Variants in LRRK1 observed in about 807,000 individuals in gnomAD.
The protein encoded by LRRK1 is leucine rich repeat kinase 1.
In LRRK1, 113 loss-of-function variants were observed where a neutral mutation model predicts 209.1. That is an observed-to-expected ratio of 0.54 (90% CI 0.46 to 0.63). LRRK1 has a LOEUF of 0.63. Among genes scored for constraint, LRRK1 ranks in the 30% least tolerant of loss-of-function variants. The pLI, the probability that LRRK1 is intolerant of heterozygous loss-of-function variation, is 0.00. For missense variants in LRRK1, 2,284 were observed against 2,632.2 expected (o/e 0.87, Z 2.89); for synonymous variants, 1,144 against 1,099.7 (o/e 1.04, Z -0.80).
rs143507155 is a variant in LRRK1, at chr15:100,982,161, C to G, written c.262-1367C>G. 7.3e-3 allele frequency among the ~76,000 whole-genome samples: 1,102 copies of G among 150,188 alleles called. 19 individuals carry two copies. Among genetic ancestry groups the G allele is most frequent in the Middle Eastern group, 0.028 (8 of 290 alleles). ...ACTCGCCATCCCTGTCATCCTGAGT[C>G]CCCAGTCCCACTCTCACACACAGTA... On this transcript the variant is annotated intron_variant, in intron 3 of 33. Coordinates refer to ENST00000388948, the MANE Select transcript of LRRK1 (RefSeq NM_024652.6).
chr15:101,019,230 G>A (rs1462959062), intron 12 of LRRK1, among the ~76,000 whole-genome samples: 1 of 152,132 alleles, frequency 6.6e-6, no homozygotes, highest in African/African-American at 2.4e-5. Flanking sequence ...CATAAACACC[G>A]TAGCGAAACT....
intron 29 of LRRK1, among the ~76,000 whole-genome samples, chr15:101,059,176 G>A (rs923579127): frequency 6.6e-6 from 1 of 152,080 alleles, no homozygotes; most frequent in Admixed American, 6.6e-5. Flanking sequence ...GATCTTTTGA[G>A]TTCAGGAGTT....
At chr15:100,980,496 G>T (rs777442893) in intron 3 of LRRK1, among the ~76,000 whole-genome samples, 2 of 152,106 alleles carry the variant, frequency 1.3e-5, no homozygotes, top group Non-Finnish European at 2.9e-5. Context: ...GAACAGGTTC[G>T]TATCTTGATT....
chr15:101,009,451 G>A (rs779914911), intron 7 of LRRK1, among the ~76,000 whole-genome samples: 3 of 152,200 alleles, frequency 2.0e-5, no homozygotes, highest in Non-Finnish European at 4.4e-5. Flanking sequence ...GGTTAACTCT[G>A]CAGGACTCTG....
rs143717404 is a variant in LRRK1 at position 100,926,006 on chromosome 15, C to T, written c.97+1277C>T. Among the ~76,000 whole-genome samples the T allele has an allele frequency of 3.9e-5, 6 of 152,328 alleles. No individual in the cohort carries two copies. The East Asian group carries it at 7.7e-4, about 20-fold the overall frequency. Reference sequence around the variant, plus strand: ...CGGCCACTGTACCTGGCTTGGCAGACACTTTGTTCAGTTGTTTGAGTGTTT... The same window carrying T: ...CGGCCACTGTACCTGGCTTGGCAGATACTTTGTTCAGTTGTTTGAGTGTTT... On this transcript the variant is annotated intron_variant, in intron 2 of 33. Coordinates refer to ENST00000388948, the MANE Select transcript of LRRK1 (RefSeq NM_024652.6).
At chr15:100,939,228 G>A (rs900623313) in intron 2 of LRRK1, among the ~76,000 whole-genome samples, 5 of 152,216 alleles carry the variant, frequency 3.3e-5, no homozygotes, top group Non-Finnish European at 7.3e-5. Context: ...ACATGGGACA[G>A]TACAGTTCCT....
intron 20 of LRRK1, among the ~76,000 whole-genome samples, chr15:101,041,104 G>A (rs916771642): frequency 6.6e-6 from 1 of 152,202 alleles, no homozygotes; most frequent in Non-Finnish European, 1.5e-5. Flanking sequence ...TTGGTGTCAT[G>A]CCTGTGTAAT....
chr15:101,020,493 G>GC lies in LRRK1; in HGVS notation c.1610-553dup, dbSNP rs370920632. On this transcript the variant is annotated intron_variant, in intron 12 of 33. Transcript: ENST00000388948. ...AGGTTCAAGTAATTCTCCTGCCTCA[G>GC]CCCCCCCGAGTAGCTGGGATTACAG... is the stretch of plus-strand genomic sequence containing the variant. Among the ~76,000 whole-genome samples, 1,081 of 148,706 alleles carry GC rather than the reference G, an allele frequency of 7.3e-3. 4 individuals are homozygous for GC. Among genetic ancestry groups the GC allele is most frequent in the African/African-American group, 0.017 (698 of 40,102 alleles).
At chr15:100,965,735 T>G (rs2030408917) in intron 2 of LRRK1, among the ~76,000 whole-genome samples, 1 of 152,222 alleles carries the variant, frequency 6.6e-6, no homozygotes, top group Admixed American at 6.5e-5. Context: ...TCATTTATCC[T>G]TCTCCTCCTT....
chr15:101,067,145 G>A (rs2141166344), intron 33 of LRRK1: 2 of 415,808 alleles, frequency 4.8e-6, no homozygotes, highest in South Asian at 3.5e-5. Flanking sequence ...AGATGACACA[G>A]GCACACCTTG....
chr15:100,928,664 C>T (rs1423879991), intron 2 of LRRK1, among the ~76,000 whole-genome samples: 2 of 152,154 alleles, frequency 1.3e-5, no homozygotes, highest in African/African-American at 4.8e-5. Flanking sequence ...AGAGTGTCTA[C>T]TCTTGGGTGT....
At chr15:100,993,799 A>G (rs1158119310) in intron 6 of LRRK1, among the ~76,000 whole-genome samples, 1 of 152,048 alleles carries the variant, frequency 6.6e-6, no homozygotes, top group Non-Finnish European at 1.5e-5. Flanking sequence ...CCATCTCTTT[A>G]ATTTATATTT....
At chr15:101,034,661 G>A (rs946413784) in intron 20 of LRRK1, among the ~76,000 whole-genome samples, 3 of 152,088 alleles carry the variant, frequency 2.0e-5, no homozygotes, top group East Asian at 1.9e-4. Flanking sequence ...CTATAGCTTT[G>A]TAGTATATTT....
intron 2 of LRRK1, among the ~76,000 whole-genome samples, chr15:100,943,070 C>T (rs532598369): frequency 9.1e-4 from 139 of 152,210 alleles, no homozygotes; most frequent in African/African-American, 3.1e-3. Context: ...TTGGTATGTT[C>T]CAAATTGGGA....
chr15:101,005,008 C>T (rs556403990), intron 6 of LRRK1, among the ~76,000 whole-genome samples: 2 of 152,334 alleles, frequency 1.3e-5, no homozygotes, highest in South Asian at 4.1e-4. Flanking sequence ...CTGCATCTTG[C>T]ATTTGGCTGC....
At chr15:100,959,311 A>C (rs1334906992) in intron 2 of LRRK1, among the ~76,000 whole-genome samples, 1 of 152,206 alleles carries the variant, frequency 6.6e-6, no homozygotes, top group African/African-American at 2.4e-5. Context: ...GCAGTGAGTA[A>C]GCAGAACCCA....
At chr15:100,980,207 A>G (rs764155634) in intron 3 of LRRK1, among the ~76,000 whole-genome samples, 5 of 152,038 alleles carry the variant, frequency 3.3e-5, no homozygotes, top group Admixed American at 6.5e-5. Flanking sequence ...TTAAACATAT[A>G]TGGAGTACTA....
chr15:100,987,888 C>T lies in LRRK1; in HGVS notation c.434-746C>T, dbSNP rs548068669. Reference sequence around the variant, plus strand: ...GGGGAGGGGTGAGGGCAGGGGAGAGCCCAGAGAAAATACCACAATGCTGGG... The same window carrying T: ...GGGGAGGGGTGAGGGCAGGGGAGAGTCCAGAGAAAATACCACAATGCTGGG... On this transcript the variant is annotated intron_variant, in intron 4 of 33. Transcript: ENST00000388948. 4.6e-5 allele frequency among the ~76,000 whole-genome samples: 7 copies of T among 152,294 alleles called. No homozygotes were observed. In the East Asian group the frequency reaches 1.2e-3, roughly 25 times the overall value.
chr15:101,002,709 G>A (rs1348106973), intron 6 of LRRK1, among the ~76,000 whole-genome samples: 1 of 152,088 alleles, frequency 6.6e-6, no homozygotes, highest in African/African-American at 2.4e-5. Context: ...AGGTTTTAAT[G>A]TCAAGTGCAT....
Sources: allele counts gnomAD v4.1 joint callset (sites outside exome capture counted in the v4.1 genomes callset), GRCh38; gene constraint gnomAD v4.1.1; transcripts MANE v1.5; gene names NCBI Gene and HGNC (gene_info 2026-07-23, HGNC 2026-07-21).